Variants in IPO9 observed in about 807,000 individuals in gnomAD.
IPO9 encodes importin 9.
Under a neutral mutation model 128.6 loss-of-function variants are expected in IPO9, and 28 were observed. The ratio of observed to expected loss-of-function variants is 0.22; its 90% CI spans 0.16 to 0.30. The LOEUF (loss-of-function observed/expected upper bound fraction) is 0.30. Ranked by LOEUF, IPO9 falls within the 10% of genes least tolerant of loss-of-function variation. The pLI is 1.00. For synonymous variants in IPO9, 455 were observed against 475.8 expected, an observed-to-expected ratio of 0.96 and a Z score of 0.57; for missense variants, 935 against 1,293.9, an observed-to-expected ratio of 0.72 and a Z score of 4.26.
chr1:201,836,113 C>G (rs1413005170), intron 1 of IPO9, among the ~76,000 whole-genome samples: 1 of 83,784 alleles, frequency 1.2e-5, no homozygotes, highest in Non-Finnish European at 2.3e-5. Flanking sequence ...GAGCAAGACT[C>G]CATCTCAAAA....
rs1052878074 is a variant in IPO9, at chr1:201,877,710, G to C, written c.*1656G>C. On this transcript the variant is annotated 3_prime_UTR_variant, in exon 24 of 24. Transcript: ENST00000361565. ...AGGCCGAAGCCAGCGGATCACCAGA[G>C]GTCAGGAGTTCGAGACCAGCCTGAC... The C allele has an allele frequency of 6.6e-6, 1 of 152,096 alleles. No homozygotes were observed. Among genetic ancestry groups the C allele is most frequent in the Non-Finnish European group, 1.5e-5 (1 of 68,050 alleles). The allele number at this position is 152,096 out of a possible 1,614,324, so 9.4% of individuals were successfully genotyped here.
In IPO9 at chr1:201,870,970, T is replaced by G; in HGVS notation, c.2409+112T>G. On this transcript the variant is annotated intron_variant, in intron 18 of 23. Transcript: ENST00000361565. This position sits in a 1 kb window ranked among gnomAD's most constrained non-coding sequence, Gnocchi z 4.9. ...CCCTCTTACTAGCCTTGTAGGACAG[T>G]TAAGTAAAATGGGACCTGTCTGATC... The G allele has an allele frequency of 7.4e-7, 1 of 1,359,732 alleles. No homozygotes were observed. The highest frequency in any genetic ancestry group is 1.4e-5 in the South Asian group (1 of 70,604). The allele number at this position is 1,359,732 out of a possible 1,614,324, so 84.2% of individuals were successfully genotyped here.
At position 201,884,037 on chromosome 1, in the gene IPO9, G is replaced by C. The variant is rs41299585; in HGVS notation, c.*7983G>C. 2 of 152,078 alleles carry C rather than the reference G, an allele frequency of 1.3e-5. No homozygotes were observed. The highest frequency in any genetic ancestry group is 2.4e-5 in the African/African-American group (1 of 41,426). The allele number at this position is 152,078 out of a possible 1,614,324, so 9.4% of individuals were successfully genotyped here. A position where few individuals can be genotyped will look rare whatever the true frequency, so the allele number is the denominator to read the frequency against. ...CCAAAAGAGGAAGCCAAGACCAGAG[G>C]GGGAGTGGTTCCTTCAAGTTTGCAG... is the stretch of plus-strand genomic sequence containing the variant. On this transcript the variant is annotated 3_prime_UTR_variant, in exon 24 of 24. Transcript: ENST00000361565.
chr1:201,858,760 G>A lies in IPO9; in HGVS notation c.1329-95G>A, dbSNP rs531613381. The A allele has an allele frequency of 2.0e-5, 26 of 1,307,014 alleles. No homozygotes were observed. The East Asian group carries it at 4.9e-4, about 25-fold the overall frequency. 81.0% of individuals were successfully genotyped at this position (1,307,014 alleles called of 1,614,324 possible). A position where few individuals can be genotyped will look rare whatever the true frequency, so the allele number is the denominator to read the frequency against. ...GTAAATGACTCTTTTGGAAGAGATT[G>A]TGCTGGAGTGCCCTTTTCTGAATCT... On this transcript the variant is annotated intron_variant, in intron 12 of 23. Transcript: ENST00000361565.
rs556986429 is a variant in IPO9 at position 201,871,376 on chromosome 1, C to CTTTTTTTTTTTTTTTTTTTTT, written c.2576+59_2576+79dup. 3.6e-5 allele frequency: 5 copies of CTTTTTTTTTTTTTTTTTTTTT among 140,438 alleles called. 2 individuals carry two copies. Among genetic ancestry groups the CTTTTTTTTTTTTTTTTTTTTT allele is most frequent in the African/African-American group, 3.4e-4 (5 of 14,856 alleles). The allele number at this position is 140,438 out of a possible 1,614,324, so 8.7% of individuals were successfully genotyped here. A position where few individuals can be genotyped will look rare whatever the true frequency, so the allele number is the denominator to read the frequency against. Reference sequence around the variant, plus strand: ...GGGCATTCTGCCACCACTCATATTTCTTTTTTTTTTTTTTTTTTTTTTTTT... The same window carrying CTTTTTTTTTTTTTTTTTTTTT: ...GGGCATTCTGCCACCACTCATATTTCTTTTTTTTTTTTTTTTTTTTTTTTTTTTTTTTTTTTTTTTTTTTTT... On this transcript the variant is annotated intron_variant, in intron 19 of 23. Transcript: ENST00000361565.
At chr1:201,858,332 C>T (rs1431811587) in intron 11 of IPO9, 115 bp from the exon 12 acceptor site, 3 of 520,200 alleles carry the variant, frequency 5.8e-6, no homozygotes, top group Non-Finnish European at 1.0e-5. Flanking sequence ...GGGGTTTGCA[C>T]ATGTATGTGA....
At chr1:201,872,765 A>C in intron 19 of IPO9, 63 bp from the exon 20 acceptor site, 1 of 1,550,172 alleles carries the variant, frequency 6.5e-7, no homozygotes, top group African/African-American at 1.4e-5. Flanking sequence ...ATAATTGCTT[A>C]TCTCCTTGGA....
At chr1:201,829,502 CGA>C in intron 1 of IPO9, 130 bp downstream of exon 1, 3 of 874,422 alleles carry the variant, frequency 3.4e-6, no homozygotes, top group Non-Finnish European at 3.1e-6. Flanking sequence ...GAGCAGGAAG[CGA>C]GAGATTGATG....
chr1:201,844,155 A>G (rs758790318), intron 1 of IPO9, among the ~76,000 whole-genome samples: 7 of 152,176 alleles, frequency 4.6e-5, no homozygotes, highest in Non-Finnish European at 1.0e-4. Context: ...ACAAAGGGAA[A>G]AACAGTACCT....
chr1:201,877,290 C>G lies in IPO9; in HGVS notation c.*1236C>G, dbSNP rs750869172. On this transcript the variant is annotated 3_prime_UTR_variant, in exon 24 of 24. Coordinates refer to ENST00000361565, the MANE Select transcript of IPO9 (RefSeq NM_018085.5). ...CTGAGATGGGCGGATCACTTGAGAT[C>G]AGGAGTTTGAGGCTAGCCTGGCCAA... 2 of 152,052 alleles carry G rather than the reference C, an allele frequency of 1.3e-5. No homozygotes were observed. Among genetic ancestry groups the G allele is most frequent in the African/African-American group, 2.4e-5 (1 of 41,386 alleles). 9.4% of individuals were successfully genotyped at this position (152,052 alleles called of 1,614,324 possible). A position where few individuals can be genotyped will look rare whatever the true frequency, so the allele number is the denominator to read the frequency against.
intron 1 of IPO9, among the ~76,000 whole-genome samples, chr1:201,839,359 G>A (rs1355536697): frequency 6.6e-6 from 1 of 151,966 alleles, no homozygotes; most frequent in African/African-American, 2.4e-5. Context: ...TGGGACTTCA[G>A]TCACGCACCA....
chr1:201,880,189 TTAAAA>T lies in IPO9; in HGVS notation c.*4141_*4145del, dbSNP rs1558228168. 1 of 152,066 alleles carries T rather than the reference TTAAAA, an allele frequency of 6.6e-6. No homozygotes were observed. The highest frequency in any genetic ancestry group is 1.5e-5 in the Non-Finnish European group (1 of 68,010). The allele number at this position is 152,066 out of a possible 1,614,324, so 9.4% of individuals were successfully genotyped here. A position where few individuals can be genotyped will look rare whatever the true frequency, so the allele number is the denominator to read the frequency against. The stretch of plus-strand genomic sequence containing the variant: ...GTGGCAATACCTTGTCTCTTAAAAT[TTAAAA>T]TAAAAAAAAAGTTTATTATGCCAGG... On this transcript the variant is annotated 3_prime_UTR_variant, in exon 24 of 24. Transcript: ENST00000361565.
At chr1:201,830,558 T>C (rs1349739548) in intron 1 of IPO9, among the ~76,000 whole-genome samples, 2 of 152,204 alleles carry the variant, frequency 1.3e-5, no homozygotes, top group Admixed American at 6.5e-5. Flanking sequence ...TTATAAAATA[T>C]CAGATCTATA....
rs1395116530 is a variant in IPO9, at chr1:201,868,884, G to A, written c.2004+88G>A. On this transcript the variant is annotated intron_variant, in intron 16 of 23. Transcript: ENST00000361565. ...GCATCTAGCTGACAAGAACCTAATA[G>A]CGTTAGAGATTCATGGGGTGATTTT... 6 of 1,428,820 alleles carry A rather than the reference G, an allele frequency of 4.2e-6. No individual in the cohort carries two copies. In the African/African-American group the frequency reaches 5.7e-5, roughly 14 times the overall value. The allele number at this position is 1,428,820 out of a possible 1,614,324, so 88.5% of individuals were successfully genotyped here. A position where few individuals can be genotyped will look rare whatever the true frequency, so the allele number is the denominator to read the frequency against.
chr1:201,836,373 A>G (rs1679922821), intron 1 of IPO9, among the ~76,000 whole-genome samples: 1 of 152,036 alleles, frequency 6.6e-6, no homozygotes, highest in Admixed American at 6.6e-5. Context: ...CCTTCTTTGC[A>G]TTAGTTTGTT....
chr1:201,865,199 C>CTTTTTTTTT (rs201084995), intron 14 of IPO9, among the ~76,000 whole-genome samples: 158 of 132,772 alleles, frequency 1.2e-3, no homozygotes, highest in East Asian at 1.7e-3. Flanking sequence ...AACTATTTTT[C>CTTTTTTTTT]TTTTTTTTTT....
rs1357147454 is a variant in IPO9 at position 201,852,995 on chromosome 1, G to C, written c.604-16G>C. ...AGTCTCGTGGCTATGCTGTTATGCT[G>C]TAACCTTTCTTCCAGGTGTATGGTA... On this transcript the variant is annotated splice_polypyrimidine_tract_variant and intron_variant, in intron 5 of 23. Coordinates refer to ENST00000361565, the MANE Select transcript of IPO9 (RefSeq NM_018085.5). 6.2e-7 allele frequency: 1 copy of C among 1,610,786 alleles called. No homozygotes were observed. The highest frequency in any genetic ancestry group is 1.3e-5 in the African/African-American group (1 of 74,838).
In IPO9 at chr1:201,882,422, ACT is replaced by A. The variant is rs1161974602; in HGVS notation, c.*6371_*6372del. 1.8e-4 allele frequency: 23 copies of A among 125,274 alleles called. 1 individual carries two copies. The highest frequency in any genetic ancestry group is 6.8e-4 in the African/African-American group (22 of 32,476). The allele number at this position is 125,274 out of a possible 1,614,324, so 7.8% of individuals were successfully genotyped here. On this transcript the variant is annotated 3_prime_UTR_variant, in exon 24 of 24. Coordinates refer to ENST00000361565, the MANE Select transcript of IPO9 (RefSeq NM_018085.5). ...ACTCCAGCCTGGGCGACAGAGCGAC[ACT>A]CTGCCTCAAAAAAAAAAAAAAACAA... is the stretch of plus-strand genomic sequence containing the variant.
chr1:201,858,753 A>G, intron 12 of IPO9, 102 bp from the exon 13 acceptor site: 1 of 1,228,586 alleles, frequency 8.1e-7, no homozygotes, highest in Admixed American at 2.3e-5. Context: ...CTCTTTTGGA[A>G]GAGATTGTGC....
Sources: allele counts gnomAD v4.1 joint callset (sites outside exome capture counted in the v4.1 genomes callset), GRCh38; gene constraint gnomAD v4.1.1; non-coding constraint Gnocchi (gnomAD v3.1); transcripts MANE v1.5; gene names NCBI Gene and HGNC (gene_info 2026-07-23, HGNC 2026-07-21).